Variants in WNT5A observed in about 807,000 individuals in gnomAD.
WNT5A encodes Wnt family member 5A, also known as protein Wnt-5a.
WNT5A carries 9 observed loss-of-function variants against 42.1 expected under a neutral mutation model. That is an observed-to-expected ratio of 0.21 (90% CI 0.13 to 0.37). The LOEUF is 0.37. WNT5A is among the 10% of genes least tolerant of loss of function. WNT5A has a pLI of 1.00. For missense variants in WNT5A, 426 were observed against 534.0 expected, an observed-to-expected ratio of 0.80 and a Z score of 1.99; for synonymous variants, 210 against 210.0, an observed-to-expected ratio of 1.00 and a Z score of 0.00.
chr3:55,470,203 G>A lies in WNT5A; in HGVS notation c.1032C>T (p.Tyr344=), dbSNP rs1202686144. The A allele has an allele frequency of 4.3e-6, 7 of 1,614,026 alleles. No individual in the cohort carries two copies. The highest frequency in any genetic ancestry group is 4.5e-5 in the East Asian group (2 of 44,884). ...CCGTCTGCACGGTCTTGAACTGGTC[G>A]TAGCCACGGCCGCAGCACATGAGCT... The part of the protein sequence containing the change: ...GCELMCCGRG[Y]DQFKTVQTER... Residue 344 remains tyrosine (Y), a synonymous_variant, in exon 5 of 5, where the codon TAC becomes TAT. Transcript: ENST00000264634.
At chr3:55,489,867 C>G (rs2051639302), upstream of WNT5A, 1 of 152,346 alleles carries the variant, frequency 6.6e-6, no homozygotes, top group African/African-American at 2.4e-5. Context: ...AGAGCGTCTC[C>G]GCCCGGCAAA....
upstream of WNT5A, among the ~76,000 whole-genome samples, chr3:55,492,734 A>G (rs1253384651): frequency 6.6e-6 from 1 of 152,206 alleles, no homozygotes; most frequent in African/African-American, 2.4e-5. Flanking sequence ...ACTGAGCTCT[A>G]TGTGCCAGAT....
rs917960763 is a variant in WNT5A at position 55,483,887 on chromosome 3, G to A, written c.7-2969C>T. The stretch of plus-strand genomic sequence containing the variant: ...TCAGTAGCAAAATTGTTCAGAGGAC[G>A]TTCGGAGGGCGCGGGGAGCAGCCGG... On this transcript the variant is annotated intron_variant, in intron 1 of 4. Transcript: ENST00000264634. The surrounding 1 kb of genome is among the most constrained non-coding windows in gnomAD (Gnocchi z 4.2). Among the ~76,000 whole-genome samples, 16 of 152,288 alleles carry A rather than the reference G, an allele frequency of 1.1e-4. No individual in the cohort carries two copies. The highest frequency in any genetic ancestry group is 6.5e-4 in the Admixed American group (10 of 15,306).
Position 55,474,500 on chromosome 3 carries a change from G to T in WNT5A, c.521C>A (p.Pro174Gln), listed in dbSNP as rs753406752. 7 of 1,589,522 alleles carry T rather than the reference G, an allele frequency of 4.4e-6. No individual in the cohort carries two copies. The African/African-American group carries it at 9.4e-5, about 21-fold the overall frequency. ...CSRAARPKDL[P>Q]RDWLWGGCGD... is the part of the protein sequence containing the mutation. ...GCAGCCGCCCCAGAGCCAGTCCCGC[G>T]GCAGGTCCTTGGGGCGCGCGGCGCG... Residue 174 changes from proline to glutamine, a missense_variant, in exon 4 of 5, where the codon CCG (proline) becomes CAG (glutamine). Transcript: ENST00000264634.
the WNT5A span, among the ~76,000 whole-genome samples, chr3:55,503,208 A>G: frequency 2.0e-5 from 3 of 152,228 alleles, no homozygotes; most frequent in African/African-American, 7.2e-5. Context: ...GGACCAGCTC[A>G]GCAGTGGTTC....
At chr3:55,501,379 T>A in the WNT5A span, among the ~76,000 whole-genome samples, 1 of 152,234 alleles carries the variant, frequency 6.6e-6, no homozygotes, top group African/African-American at 2.4e-5. Context: ...TCATTTTACC[T>A]AGTTCTTACA....
intron 4 of WNT5A, among the ~76,000 whole-genome samples, chr3:55,471,131 T>C (rs1036597742): frequency 6.6e-6 from 1 of 152,208 alleles, no homozygotes; most frequent in African/African-American, 2.4e-5. Flanking sequence ...GGTTCAAATC[T>C]TAACCCATTA....
rs1210160031 is a variant in WNT5A, at chr3:55,468,801, T to C, written c.*1291A>G. The C allele has an allele frequency of 6.6e-6, 1 of 152,530 alleles. No individual in the cohort carries two copies. The highest frequency in any genetic ancestry group is 2.1e-4 in the South Asian group (1 of 4,822). The allele number at this position is 152,530 out of a possible 1,614,324, so 9.4% of individuals were successfully genotyped here. A position where few individuals can be genotyped will look rare whatever the true frequency, so the allele number is the denominator to read the frequency against. On this transcript the variant is annotated 3_prime_UTR_variant, in exon 5 of 5. Transcript: ENST00000264634. Reference sequence around the variant, plus strand: ...CAATAGGAGAAGCATGAGTGGATAATCTAAACACAGGATCATAACAGTGAT... The same window carrying C: ...CAATAGGAGAAGCATGAGTGGATAACCTAAACACAGGATCATAACAGTGAT...
At chr3:55,498,970 C>T in the WNT5A span, among the ~76,000 whole-genome samples, 7 of 152,302 alleles carry the variant, frequency 4.6e-5, no homozygotes, top group East Asian at 1.3e-3. Context: ...CTTCTGACCT[C>T]GTTAGAGCCC....
At position 55,481,249 on chromosome 3, in the gene WNT5A, C is replaced by T. The variant is rs77344209; in HGVS notation, c.7-331G>A. On this transcript the variant is annotated intron_variant, in intron 1 of 4. Coordinates refer to ENST00000264634, the MANE Select transcript of WNT5A (RefSeq NM_003392.7). Reference sequence around the variant, plus strand: ...CTCGAGTCCCGCACCCCCTGGCCCCCCTCTAGTTGGTGCTGTGCTCAGTCC... The same window carrying T: ...CTCGAGTCCCGCACCCCCTGGCCCCTCTCTAGTTGGTGCTGTGCTCAGTCC... 0.23 allele frequency: 223,204 copies of T among 989,176 alleles called. 27,261 individuals carry two copies. The highest frequency in any genetic ancestry group is 0.25 in the Non-Finnish European group (205,720 of 823,252). 61.3% of individuals were successfully genotyped at this position (989,176 alleles called of 1,614,324 possible).
At chr3:55,493,436 T>C (rs79412985), upstream of WNT5A, among the ~76,000 whole-genome samples, 842 of 152,346 alleles carry the variant, frequency 5.5e-3, 4 homozygotes, top group African/African-American at 0.02. Flanking sequence ...AGCTGCTGTC[T>C]TTTCCCCATG....
chr3:55,477,724 T>C (rs935421533), intron 3 of WNT5A, among the ~76,000 whole-genome samples: 7 of 152,180 alleles, frequency 4.6e-5, no homozygotes, highest in African/African-American at 1.7e-4. Context: ...TAGCTTATTC[T>C]GAACATTTTG....
the WNT5A span, among the ~76,000 whole-genome samples, chr3:55,502,309 C>T: frequency 1.6e-3 from 250 of 152,314 alleles, no homozygotes; most frequent in Non-Finnish European, 3.2e-3. Context: ...CAACTGTGAC[C>T]CATGCCTACT....
At chr3:55,493,761 C>T (rs931151927), upstream of WNT5A, 3 of 152,246 alleles carry the variant, frequency 2.0e-5, no homozygotes, top group Non-Finnish European at 4.4e-5. Flanking sequence ...TAAATAAAAA[C>T]AAAACTATTT....
intron 3 of WNT5A, among the ~76,000 whole-genome samples, chr3:55,476,165 C>T (rs1203432372): frequency 3.9e-5 from 6 of 152,158 alleles, no homozygotes; most frequent in East Asian, 1.9e-4. Context: ...AGGAGGACAG[C>T]GATGCCAGTT....
intron 1 of WNT5A, among the ~76,000 whole-genome samples, chr3:55,482,570 T>A (rs1036985565): frequency 2.6e-5 from 4 of 152,166 alleles, no homozygotes; most frequent in Non-Finnish European, 4.4e-5. Flanking sequence ...TTTTTCTCCG[T>A]GAGCCGCCCC....
At chr3:55,496,587 C>T in the WNT5A span, among the ~76,000 whole-genome samples, 1 of 152,186 alleles carries the variant, frequency 6.6e-6, no homozygotes, top group East Asian at 1.9e-4. Flanking sequence ...TTGTGGACAA[C>T]CCTCTTCTGC....
At chr3:55,474,257 C>T in intron 4 of WNT5A, 80 bp downstream of exon 4, 1 of 1,577,168 alleles carries the variant, frequency 6.3e-7, no homozygotes, top group South Asian at 1.1e-5. Context: ...GAGGACGGAG[C>T]TACAGGGAGA....
chr3:55,498,599 T>A, the WNT5A span, among the ~76,000 whole-genome samples: 1 of 152,190 alleles, frequency 6.6e-6, no homozygotes, highest in African/African-American at 2.4e-5. Context: ...TTTCTTCTGC[T>A]GTTAAGAGCA....
Sources: gnomAD v4.1 joint callset for allele counts (sites outside exome capture counted in the v4.1 genomes callset) on GRCh38, gnomAD v4.1.1 for gene constraint, Gnocchi (gnomAD v3.1) non-coding constraint, MANE v1.5 for transcripts, NCBI Gene and HGNC (gene_info 2026-07-23, HGNC 2026-07-21) for gene names.